NAV2: variants seen among roughly 807,000 people sequenced by gnomAD.
The protein encoded by NAV2 is helicase, APC down-regulated 1.
Under a neutral mutation model 223.2 loss-of-function variants are expected in NAV2, and 54 were observed. The ratio of observed to expected loss-of-function variants is 0.24; its 90% CI spans 0.19 to 0.30. NAV2 has a LOEUF of 0.30. Ranked by LOEUF, NAV2 falls within the 10% of genes least tolerant of loss-of-function variation. NAV2 has a pLI of 1.00. For synonymous variants in NAV2, 1,279 were observed against 1,239.3 expected, an observed-to-expected ratio of 1.03 and a Z score of -0.67; for missense variants, 2,806 against 3,147.5, an observed-to-expected ratio of 0.89 and a Z score of 2.60.
intron 1 of NAV2, among the ~76,000 whole-genome samples, chr11:19,746,577 G>C (rs2053368603): frequency 6.6e-6 from 1 of 152,160 alleles, no homozygotes; most frequent in Non-Finnish European, 1.5e-5. Context: ...TCAAAAGAAG[G>C]TGGATTGAAT....
chr11:19,548,834 T>C (rs7932202), intron 1 of NAV2, among the ~76,000 whole-genome samples: 58,888 of 143,388 alleles, frequency 0.41, 15,163 homozygotes, highest in African/African-American at 0.74. Flanking sequence ...GCCAAGATCA[T>C]GCCACAGCAC....
chr11:20,077,497 C>G, intron 22 of NAV2, 55 bp from the exon 23 acceptor site: 1 of 1,392,468 alleles, frequency 7.2e-7, no homozygotes, highest in South Asian at 1.2e-5. Context: ...CAGACACCTT[C>G]TAAGCACTCT....
chr11:19,606,487 C>A (rs1429474613), intron 1 of NAV2, among the ~76,000 whole-genome samples: 1 of 152,148 alleles, frequency 6.6e-6, no homozygotes, highest in Non-Finnish European at 1.5e-5. Context: ...CCACTTTTTT[C>A]TCCCTTAACC....
At chr11:19,633,705 G>T (rs1398192875) in intron 1 of NAV2, among the ~76,000 whole-genome samples, 1 of 152,238 alleles carries the variant, frequency 6.6e-6, no homozygotes, top group Non-Finnish European at 1.5e-5. Context: ...GGACTGATGC[G>T]CAGGCCTCCT....
intron 1 of NAV2, among the ~76,000 whole-genome samples, chr11:19,831,909 A>C (rs2059966804): frequency 6.6e-6 from 1 of 152,142 alleles, no homozygotes; most frequent in African/African-American, 2.4e-5. Flanking sequence ...AAACCGATTA[A>C]ATTTGAGATT....
In NAV2 at chr11:20,056,747, G is replaced by A. The variant is rs1216257230; in HGVS notation, c.4831+790G>A. On this transcript the variant is annotated intron_variant, in intron 19 of 37. Transcript: ENST00000349880. ...GATAAGAATAGGAGTCAGACTAGCA[G>A]AGTTTAAATTCCAGCTCCACTGCTT... The A allele has an allele frequency of 4.3e-6, 3 of 698,358 alleles. No homozygotes were observed. In the South Asian group the frequency reaches 5.0e-5, roughly 12 times the overall value. The allele number at this position is 698,358 out of a possible 1,614,324, so 43.3% of individuals were successfully genotyped here. A position where few individuals can be genotyped will look rare whatever the true frequency, so the allele number is the denominator to read the frequency against.
chr11:19,408,212 C>T (rs1473715120), intron 1 of NAV2, among the ~76,000 whole-genome samples: 1 of 152,094 alleles, frequency 6.6e-6, no homozygotes, highest in African/African-American at 2.4e-5. Context: ...TGTGGACATC[C>T]AATACACATT....
Position 20,107,795 on chromosome 11 carries a change from C to A in NAV2, c.6960+13C>A, listed in dbSNP as rs1236233440. The A allele has an allele frequency of 3.8e-6, 6 of 1,566,860 alleles. No individual in the cohort carries two copies. In the East Asian group the frequency reaches 9.0e-5, roughly 23 times the overall value. ...AGAAGGACTCCAGGTGAGAAGACAC[C>A]CCTGCTGGCTTCCTTGAAGCTGAGG... On this transcript the variant is annotated intron_variant, in intron 36 of 37. Transcript: ENST00000349880.
At chr11:19,906,734 C>T (rs1259539839) in intron 6 of NAV2, among the ~76,000 whole-genome samples, 2 of 152,182 alleles carry the variant, frequency 1.3e-5, no homozygotes, top group African/African-American at 4.8e-5. Context: ...TGAAGGGGCA[C>T]AAGCACCACT....
intron 20 of NAV2, among the ~76,000 whole-genome samples, chr11:20,063,617 C>G: frequency 1.3e-5 from 2 of 152,216 alleles, no homozygotes; most frequent in Non-Finnish European, 2.9e-5. Flanking sequence ...TCAAGTGATC[C>G]GCCCATCTCA....
chr11:19,634,262 T>A (rs1444280759), intron 1 of NAV2, among the ~76,000 whole-genome samples: 4 of 152,028 alleles, frequency 2.6e-5, no homozygotes, highest in Non-Finnish European at 5.9e-5. Flanking sequence ...TAGGTTATCA[T>A]CAAGGAACAG....
rs370653610 is a variant in NAV2, at chr11:19,897,886, T to A, written c.931+5292T>A. On this transcript the variant is annotated intron_variant, in intron 6 of 37. Coordinates refer to ENST00000349880, the MANE Select transcript of NAV2 (RefSeq NM_145117.5). The stretch of plus-strand genomic sequence containing the variant: ...GCCACAGCTGTGCCTGACCTGTGAT[T>A]TATATATATATATATATATGTGAGC... Among the ~76,000 whole-genome samples the A allele has an allele frequency of 1.4e-3, 174 of 120,458 alleles. 3 individuals carry two copies. Among genetic ancestry groups the A allele is most frequent in the African/African-American group, 5.5e-3 (161 of 29,480 alleles). 79.0% of individuals were successfully genotyped at this position (120,458 alleles called of 152,430 possible).
intron 22 of NAV2, among the ~76,000 whole-genome samples, chr11:20,068,764 G>C (rs750362642): frequency 6.6e-6 from 1 of 152,134 alleles, no homozygotes; most frequent in South Asian, 2.1e-4. Flanking sequence ...AGGAAAGAAG[G>C]GGGAAGAAAA....
chr11:19,495,624 C>CTAGGCA (rs2042768693), intron 1 of NAV2, among the ~76,000 whole-genome samples: 2 of 152,108 alleles, frequency 1.3e-5, no homozygotes, highest in Non-Finnish European at 2.9e-5. Context: ...CTCCTGTGTT[C>CTAGGCA]CAGGATTTAT....
intron 6 of NAV2, among the ~76,000 whole-genome samples, chr11:19,914,792 C>A (rs964924076): frequency 2.0e-5 from 3 of 152,104 alleles, no homozygotes; most frequent in Non-Finnish European, 4.4e-5. Flanking sequence ...GATCCACCCG[C>A]CTCGGCCTCC....
At position 19,439,996 on chromosome 11, in the gene NAV2, G is replaced by T. The variant is rs576476582; in HGVS notation, c.75+88969G>T. On this transcript the variant is annotated intron_variant, in intron 1 of 37. Coordinates refer to the NAV2 transcript ENST00000360655. ...TAAAAGTAACTTACCCTTTTGACCA[G>T]ACCTTCAGCAAAACGCCCATGTATT... Among the ~76,000 whole-genome samples, 3 of 152,276 alleles carry T rather than the reference G, an allele frequency of 2.0e-5. No homozygotes were observed. In the South Asian group the frequency reaches 6.2e-4, roughly 32 times the overall value.
At chr11:19,525,616 C>T (rs1235220525) in intron 1 of NAV2, among the ~76,000 whole-genome samples, 2 of 152,292 alleles carry the variant, frequency 1.3e-5, no homozygotes, top group South Asian at 2.1e-4. Context: ...AGAACCTGCC[C>T]ATCTTTGCAA....
chr11:19,904,410 A>T (rs538491965), intron 6 of NAV2, among the ~76,000 whole-genome samples: 3 of 141,930 alleles, frequency 2.1e-5, no homozygotes, highest in Admixed American at 1.4e-4. Context: ...CTGGTCTTAT[A>T]AAAAAAAAAG....
At chr11:19,775,914 A>G (rs1265564944) in intron 1 of NAV2, among the ~76,000 whole-genome samples, 2 of 152,176 alleles carry the variant, frequency 1.3e-5, no homozygotes, top group Non-Finnish European at 2.9e-5. Flanking sequence ...GTCATAGAAG[A>G]GAGCTGGGAT....
Sources: allele counts gnomAD v4.1 joint callset (sites outside exome capture counted in the v4.1 genomes callset), GRCh38; gene constraint gnomAD v4.1.1; transcripts MANE v1.5; gene names NCBI Gene and HGNC (gene_info 2026-07-23, HGNC 2026-07-21).